Variants in RRAGD observed in about 807,000 individuals in gnomAD.
RRAGD encodes Ras related GTP binding D, also known as ras-related GTP-binding protein D.
A neutral mutation model predicts 35.5 loss-of-function variants in RRAGD; 12 were observed. That is an observed-to-expected ratio of 0.34 (90% confidence interval 0.22 to 0.55). The LOEUF (loss-of-function observed/expected upper bound fraction) is 0.55, where lower values mean the gene tolerates loss of function less well. RRAGD is among the 20% of genes least tolerant of loss of function. RRAGD has a pLI of 0.91. For synonymous variants in RRAGD, 155 were observed against 178.9 expected, an observed-to-expected ratio of 0.87 and a Z score of 1.07; for missense variants, 324 against 490.1, an observed-to-expected ratio of 0.66 and a Z score of 3.20.
chr6:89,391,133 C>A (rs1769225197), intron 1 of RRAGD, among the ~76,000 whole-genome samples: 1 of 152,002 alleles, frequency 6.6e-6, no homozygotes, highest in African/African-American at 2.4e-5. Context: ...GTCTATAATC[C>A]CAGTACTTTG....
intron 1 of RRAGD, among the ~76,000 whole-genome samples, chr6:89,399,692 A>C (rs1043699766): frequency 1.3e-5 from 2 of 151,988 alleles, no homozygotes; most frequent in South Asian, 4.2e-4. Context: ...AGATAGGAGG[A>C]TCACCTGAGC....
At chr6:89,391,956 C>CAA (rs5878093) in intron 1 of RRAGD, among the ~76,000 whole-genome samples, 13,817 of 98,968 alleles carry the variant, frequency 0.14, 2,568 homozygotes, top group African/African-American at 0.44. Flanking sequence ...GACCCTATCT[C>CAA]AAAAAAAAAA....
chr6:89,401,391 A>G (rs1318491104), intron 1 of RRAGD, among the ~76,000 whole-genome samples: 1 of 151,696 alleles, frequency 6.6e-6, no homozygotes, highest in African/African-American at 2.4e-5. Flanking sequence ...CTGAGTAGCT[A>G]GGATTACGGG....
intron 2 of RRAGD, among the ~76,000 whole-genome samples, chr6:89,382,088 G>A (rs898175080): frequency 6.6e-6 from 1 of 151,574 alleles, no homozygotes; most frequent in Non-Finnish European, 1.5e-5. Flanking sequence ...CGCCACTTGT[G>A]CCTCCAAACC....
intron 2 of RRAGD, among the ~76,000 whole-genome samples, chr6:89,382,400 A>AATATATATATATAT (rs58343827): frequency 0.018 from 2,321 of 130,776 alleles, 53 homozygotes; most frequent in African/African-American, 0.03. Context: ...TATCTCTAGA[A>AATATATATATATAT]ATATATATAT....
At chr6:89,409,968 C>G (rs1352449605) in intron 1 of RRAGD, among the ~76,000 whole-genome samples, 1 of 152,132 alleles carries the variant, frequency 6.6e-6, no homozygotes, top group Non-Finnish European at 1.5e-5. Flanking sequence ...TCCCAAAAGC[C>G]CATTCAGAAG....
At chr6:89,395,870 T>C (rs957215611) in intron 1 of RRAGD, among the ~76,000 whole-genome samples, 1 of 151,398 alleles carries the variant, frequency 6.6e-6, no homozygotes, top group Non-Finnish European at 1.5e-5. Context: ...CACACTTACA[T>C]AGACAAATGA....
rs563175597 is a variant in RRAGD at position 89,374,418 on chromosome 6, T to G, written c.903-1833A>C. 8.1e-4 allele frequency among the ~76,000 whole-genome samples: 123 copies of G among 152,334 alleles called. No homozygotes were observed. In the Middle Eastern group the frequency reaches 0.014, roughly 17 times the overall value. ...TTTTAGTTTTGAGAGTATTTTAAGC[T>G]GCCATATACATGGCCACTTAAAAGT... On this transcript the variant is annotated intron_variant, in intron 5 of 6. Coordinates refer to ENST00000369415, the MANE Select transcript of RRAGD (RefSeq NM_021244.5).
chr6:89,396,110 A>C (rs555130350), intron 1 of RRAGD, among the ~76,000 whole-genome samples: 7 of 152,286 alleles, frequency 4.6e-5, no homozygotes, highest in South Asian at 2.1e-4. Flanking sequence ...ACCCTCCCCC[A>C]AAAATTGGTA....
intron 1 of RRAGD, among the ~76,000 whole-genome samples, chr6:89,402,612 C>A (rs1769493960): frequency 6.6e-6 from 1 of 152,114 alleles, no homozygotes; most frequent in Non-Finnish European, 1.5e-5. Flanking sequence ...GCTTCCTAAC[C>A]CTAGCTAGGC....
chr6:89,365,218 A>G lies in RRAGD; in HGVS notation c.*2838T>C, dbSNP rs1452632552. 1 of 152,202 alleles carries G rather than the reference A, an allele frequency of 6.6e-6. No individual in the cohort carries two copies. Among genetic ancestry groups the G allele is most frequent in the African/African-American group, 2.4e-5 (1 of 41,446 alleles). 9.4% of individuals were successfully genotyped at this position (152,202 alleles called of 1,614,324 possible). On this transcript the variant is annotated 3_prime_UTR_variant, in exon 7 of 7. Transcript: ENST00000369415. ...AAAACATTCCACCCTGGTCATTCAC[A>G]CTAATCTACATCACTGAAAATAACC...
chr6:89,383,743 A>G (rs1349516904), intron 2 of RRAGD, among the ~76,000 whole-genome samples: 2 of 152,130 alleles, frequency 1.3e-5, no homozygotes, highest in Non-Finnish European at 2.9e-5. Context: ...TGGGGGATAT[A>G]TTTATCCGGC....
At chr6:89,383,978 T>C (rs1769092539) in intron 2 of RRAGD, among the ~76,000 whole-genome samples, 1 of 151,420 alleles carries the variant, frequency 6.6e-6, no homozygotes, top group Non-Finnish European at 1.5e-5. Flanking sequence ...AAAACTTAGC[T>C]GGGTGTGGTG....
rs372383904 is a variant in RRAGD, at chr6:89,383,420, T to A, written c.445-3053A>T. ...TAAAAAAAAGAAAATACTTGGTTGGTTAGAACAGAGGGATTGCAGGTGATT... is the reference window on the plus strand; with the variant it reads ...TAAAAAAAAGAAAATACTTGGTTGGATAGAACAGAGGGATTGCAGGTGATT... On this transcript the variant is annotated intron_variant, in intron 2 of 6. Transcript: ENST00000369415. Among the ~76,000 whole-genome samples, 7 of 152,290 alleles carry A rather than the reference T, an allele frequency of 4.6e-5. No individual in the cohort carries two copies. The East Asian group carries it at 9.6e-4, about 21-fold the overall frequency.
intron 1 of RRAGD, among the ~76,000 whole-genome samples, chr6:89,399,103 G>A (rs59637771): frequency 0.025 from 3,792 of 152,254 alleles, 156 homozygotes; most frequent in African/African-American, 0.086. Flanking sequence ...AGATATGGGC[G>A]TAGATTTTAA....
At position 89,366,743 on chromosome 6, in the gene RRAGD, T is replaced by C. The variant is rs908012064; in HGVS notation, c.*1313A>G. Reference sequence around the variant, plus strand: ...GGCATAGGGGTAGATTTAGGACTCTTAATTTCCTGTTAGTCTAAAGTAAAC... The same window carrying C: ...GGCATAGGGGTAGATTTAGGACTCTCAATTTCCTGTTAGTCTAAAGTAAAC... On this transcript the variant is annotated 3_prime_UTR_variant, in exon 7 of 7. Coordinates refer to ENST00000369415, the MANE Select transcript of RRAGD (RefSeq NM_021244.5). The C allele has an allele frequency of 3.3e-5, 5 of 152,176 alleles. No homozygotes were observed. The highest frequency in any genetic ancestry group is 1.2e-4 in the African/African-American group (5 of 41,448). The allele number at this position is 152,176 out of a possible 1,614,324, so 9.4% of individuals were successfully genotyped here. A position where few individuals can be genotyped will look rare whatever the true frequency, so the allele number is the denominator to read the frequency against.
intron 1 of RRAGD, among the ~76,000 whole-genome samples, chr6:89,397,587 G>C (rs942408518): frequency 2.0e-5 from 3 of 149,452 alleles, no homozygotes; most frequent in Non-Finnish European, 4.4e-5. Flanking sequence ...CTGGGCAACA[G>C]AGCGAGACTC....
chr6:89,376,406 G>A (rs568566707), intron 5 of RRAGD, among the ~76,000 whole-genome samples: 1 of 151,960 alleles, frequency 6.6e-6, no homozygotes, highest in Admixed American at 6.6e-5. Flanking sequence ...AGAGAAAAAT[G>A]GAGACTAGAC....
At chr6:89,372,374 A>G in intron 6 of RRAGD, 63 bp downstream of exon 6, 1 of 1,512,462 alleles carries the variant, frequency 6.6e-7, no homozygotes, top group Admixed American at 2.1e-5. Flanking sequence ...TCAACAAACA[A>G]TACATGCAGT....
Sources: gnomAD v4.1 joint callset for allele counts (sites outside exome capture counted in the v4.1 genomes callset) on GRCh38, gnomAD v4.1.1 for gene constraint, MANE v1.5 for transcripts, NCBI Gene and HGNC (gene_info 2026-07-23, HGNC 2026-07-21) for gene names.